Variants in SLC35F3 observed in about 807,000 individuals in gnomAD.
SLC35F3 encodes solute carrier family 35 member F3.
Under a neutral mutation model 49.9 loss-of-function variants are expected in SLC35F3, and 25 were observed. The ratio of observed to expected loss-of-function variants is 0.50; its 90% CI spans 0.37 to 0.70. SLC35F3 has a LOEUF of 0.70. Ranked by LOEUF, SLC35F3 falls within the 30% of genes least tolerant of loss-of-function variation. The pLI is 0.00. For missense variants in SLC35F3, 525 were observed against 639.8 expected (o/e 0.82, Z 1.94); for synonymous variants, 275 against 265.4 (o/e 1.04, Z -0.35).
intron 2 of SLC35F3, among the ~76,000 whole-genome samples, chr1:233,960,151 G>A (rs2102810600): frequency 6.6e-6 from 1 of 152,228 alleles, no homozygotes; most frequent in African/African-American, 2.4e-5. Flanking sequence ...GCATGTTTTT[G>A]TCTTTGCGCA....
rs766202833 is a variant in SLC35F3, at chr1:234,323,070, A to G, written c.1300A>G (p.Ile434Val). 2 of 1,614,126 alleles carry G rather than the reference A, an allele frequency of 1.2e-6. No individual in the cohort carries two copies. The highest frequency in any genetic ancestry group is 1.1e-5 in the South Asian group (1 of 91,078). ...GGTCCGGGTCATCGCCATCATCATC[A>G]TCGGCCTGGGTTTTCTCCTCCTGCT... ...NGVRVIAIIIIGLGFLLLLLP... is the reference protein window; with the variant it reads ...NGVRVIAIIIVGLGFLLLLLP... The change falls in exon 8 of 8, where the codon ATC (isoleucine) becomes GTC (valine). Residue 434 changes from isoleucine (I) to valine (V), a missense_variant. Physicochemically the swap from Ile to Val is conservative, Grantham distance 29. Transcript: ENST00000366618. This position sits in a 1 kb window ranked among gnomAD's most constrained non-coding sequence, Gnocchi z 4.5.
chr1:233,905,192 A>G, intron 1 of SLC35F3, 62 bp downstream of exon 1: 1 of 1,520,190 alleles, frequency 6.6e-7, no homozygotes, highest in Middle Eastern at 1.8e-4. Context: ...GCGCCGGGGT[A>G]GCCCTTTGCA....
At chr1:234,205,540 T>C (rs756772295) in intron 2 of SLC35F3, among the ~76,000 whole-genome samples, 1 of 152,218 alleles carries the variant, frequency 6.6e-6, no homozygotes, top group Non-Finnish European at 1.5e-5. Context: ...TTGGAGAATC[T>C]AGGCTTGCTG....
At chr1:234,088,729 G>A (rs983118149) in intron 2 of SLC35F3, among the ~76,000 whole-genome samples, 2 of 152,096 alleles carry the variant, frequency 1.3e-5, no homozygotes, top group Admixed American at 1.3e-4. Flanking sequence ...TTTTACACAT[G>A]TCATAAGGAA....
chr1:234,232,948 C>G (rs752531575), intron 3 of SLC35F3, among the ~76,000 whole-genome samples: 12 of 152,240 alleles, frequency 7.9e-5, no homozygotes, highest in South Asian at 2.1e-4. Flanking sequence ...TAAATCAGAG[C>G]ACGAATTCTG....
Position 234,112,556 on chromosome 1 carries a change from CTTTTTTTT to C in SLC35F3, c.284-118851_284-118844del, listed in dbSNP as rs777353110. On this transcript the variant is annotated intron_variant, in intron 2 of 7. Coordinates refer to ENST00000366618, the MANE Select transcript of SLC35F3 (RefSeq NM_173508.4). ...TTTTGTGAAGTTTATAATTCACACTCTTTTTTTTTTTTTTTTTGAGACAGAGTCTCACT... is the reference window on the plus strand; with the variant it reads ...TTTTGTGAAGTTTATAATTCACACTCTTTTTTTTTGAGACAGAGTCTCACT... Among the ~76,000 whole-genome samples, 4 of 116,362 alleles carry C rather than the reference CTTTTTTTT, an allele frequency of 3.4e-5. No individual in the cohort carries two copies. In the Admixed American group the frequency reaches 3.9e-4, roughly 11 times the overall value. The allele number at this position is 116,362 out of a possible 152,430, so 76.3% of individuals were successfully genotyped here. A position where few individuals can be genotyped will look rare whatever the true frequency, so the allele number is the denominator to read the frequency against.
chr1:233,954,724 A>T (rs1013587786), intron 2 of SLC35F3, among the ~76,000 whole-genome samples: 1 of 152,186 alleles, frequency 6.6e-6, no homozygotes, highest in Non-Finnish European at 1.5e-5. Flanking sequence ...ATGGTACTGT[A>T]GCCTTCTTGC....
At chr1:234,127,407 C>T (rs1035306796) in intron 2 of SLC35F3, among the ~76,000 whole-genome samples, 12 of 152,174 alleles carry the variant, frequency 7.9e-5, no homozygotes, top group African/African-American at 1.9e-4. Context: ...CCCCTCCCTT[C>T]GAGTTGGGGG....
At chr1:234,280,493 G>T (rs1488933410) in intron 3 of SLC35F3, among the ~76,000 whole-genome samples, 2 of 152,204 alleles carry the variant, frequency 1.3e-5, no homozygotes, top group Non-Finnish European at 2.9e-5. Flanking sequence ...TAACCCAAGT[G>T]ACCAGGAAGT....
At chr1:234,086,305 A>T (rs1175979256) in intron 2 of SLC35F3, among the ~76,000 whole-genome samples, 1 of 152,218 alleles carries the variant, frequency 6.6e-6, no homozygotes, top group African/African-American at 2.4e-5. Flanking sequence ...GAACGGGAGA[A>T]ATGAGTCAGG....
At chr1:233,991,286 A>G (rs1177247807) in intron 2 of SLC35F3, among the ~76,000 whole-genome samples, 2 of 152,088 alleles carry the variant, frequency 1.3e-5, no homozygotes, top group Non-Finnish European at 2.9e-5. Context: ...CATCTCCCAC[A>G]AATGCTTACC....
chr1:234,225,185 C>A lies in SLC35F3; in HGVS notation c.284-6232C>A, dbSNP rs372320348. 7.7e-4 allele frequency among the ~76,000 whole-genome samples: 118 copies of A among 152,326 alleles called. No homozygotes were observed. In the South Asian group the frequency reaches 0.02, roughly 26 times the overall value. On this transcript the variant is annotated intron_variant, in intron 2 of 7. Coordinates refer to ENST00000366618, the MANE Select transcript of SLC35F3 (RefSeq NM_173508.4). ...AAAGCCTTTTCTGCAAGTCTCCCCC[C>A]CTTTCCTCTACATCACTGCCTAAAA...
At chr1:234,167,227 A>AT in intron 2 of SLC35F3, among the ~76,000 whole-genome samples, 1 of 152,296 alleles carries the variant, frequency 6.6e-6, no homozygotes, top group Non-Finnish European at 1.5e-5. Flanking sequence ...AAGAGCTCAC[A>AT]TTTTTAGAGC....
intron 3 of SLC35F3, among the ~76,000 whole-genome samples, chr1:234,244,467 C>T (rs909775410): frequency 6.6e-6 from 1 of 152,116 alleles, no homozygotes; most frequent in Non-Finnish European, 1.5e-5. Context: ...CAGCTCTCGG[C>T]AGGCAGTCTC....
intron 2 of SLC35F3, among the ~76,000 whole-genome samples, chr1:234,007,226 T>A (rs1377481626): frequency 6.6e-6 from 1 of 152,108 alleles, no homozygotes; most frequent in Non-Finnish European, 1.5e-5. Flanking sequence ...AGGTAAGTGA[T>A]ATGGAAAAGG....
At chr1:234,280,963 G>A (rs74147422) in intron 3 of SLC35F3, among the ~76,000 whole-genome samples, 1,828 of 152,236 alleles carry the variant, frequency 0.012, 39 homozygotes, top group African/African-American at 0.041. Flanking sequence ...GAAGGGCTGC[G>A]GATCCTGCAC....
intron 2 of SLC35F3, among the ~76,000 whole-genome samples, chr1:233,934,476 A>C (rs1366549250): frequency 6.6e-6 from 1 of 152,234 alleles, no homozygotes; most frequent in Non-Finnish European, 1.5e-5. Flanking sequence ...CTATTGAGTT[A>C]CATGTGCATT....
chr1:233,942,247 C>T (rs1160594795), intron 2 of SLC35F3, among the ~76,000 whole-genome samples: 3 of 151,916 alleles, frequency 2.0e-5, no homozygotes, highest in Non-Finnish European at 4.4e-5. Context: ...AGGTGTGAGC[C>T]ACCGTGCCCG....
At chr1:234,090,510 G>A (rs1168547279) in intron 2 of SLC35F3, among the ~76,000 whole-genome samples, 1 of 152,210 alleles carries the variant, frequency 6.6e-6, no homozygotes, top group African/African-American at 2.4e-5. Flanking sequence ...AAGGCTCGGG[G>A]GTACTTATAG....
Sources: allele counts gnomAD v4.1 joint callset (sites outside exome capture counted in the v4.1 genomes callset), GRCh38; gene constraint gnomAD v4.1.1; non-coding constraint Gnocchi (gnomAD v3.1); transcripts MANE v1.5; gene names NCBI Gene and HGNC (gene_info 2026-07-23, HGNC 2026-07-21).